The following SGCD variants were observed in gnomAD, a reference collection of about 807,000 sequenced individuals.
The protein encoded by SGCD is delta-sarcoglycan.
SGCD carries 18 observed loss-of-function variants against 36.6 expected under a neutral mutation model. That is an observed-to-expected ratio of 0.49 (90% CI 0.34 to 0.73). The LOEUF is 0.73. Ranked by LOEUF, SGCD falls within the 30% of genes least tolerant of loss-of-function variation. The pLI is 0.01. For synonymous variants in SGCD, 133 were observed against 130.6 expected, an observed-to-expected ratio of 1.02 and a Z score of -0.12; for missense variants, 387 against 346.7, an observed-to-expected ratio of 1.12 and a Z score of -0.92.
At chr5:156,725,169 C>T (rs1326596958) in intron 7 of SGCD, among the ~76,000 whole-genome samples, 2 of 152,128 alleles carry the variant, frequency 1.3e-5, no homozygotes, top group Non-Finnish European at 2.9e-5. Context: ...GTCATGGAGA[C>T]GTTGATCAAC....
chr5:156,492,318 G>A (rs369425087), intron 3 of SGCD, among the ~76,000 whole-genome samples: 1 of 151,970 alleles, frequency 6.6e-6, no homozygotes, highest in African/African-American at 2.4e-5. Context: ...TTATCATAAG[G>A]AATTGGCTCA....
intron 1 of SGCD, among the ~76,000 whole-genome samples, chr5:155,931,894 A>C (rs1029396943): frequency 2.6e-5 from 4 of 152,332 alleles, no homozygotes; most frequent in East Asian, 1.9e-4. Context: ...GGTCCAAGGC[A>C]CTGGCATATT....
chr5:156,197,421 T>C (rs1487536751), intron 3 of SGCD, among the ~76,000 whole-genome samples: 1 of 151,498 alleles, frequency 6.6e-6, no homozygotes, highest in African/African-American at 2.4e-5. Flanking sequence ...GAATTACTCC[T>C]CCTTCCCACA....
At chr5:155,959,668 A>G (rs535896049) in intron 1 of SGCD, among the ~76,000 whole-genome samples, 2 of 152,278 alleles carry the variant, frequency 1.3e-5, no homozygotes, top group East Asian at 3.9e-4. Context: ...TCAATATTTT[A>G]GAAGTTTTTA....
intron 2 of SGCD, among the ~76,000 whole-genome samples, chr5:156,338,190 T>G (rs1426001616): frequency 2.1e-4 from 32 of 151,394 alleles, no homozygotes; most frequent in Non-Finnish European, 7.4e-5. Flanking sequence ...TTACAAATCA[T>G]CCCTGAAAAC....
At chr5:156,255,853 CTATAT>C (rs1173112557) in intron 3 of SGCD, among the ~76,000 whole-genome samples, 2 of 151,918 alleles carry the variant, frequency 1.3e-5, no homozygotes, top group Non-Finnish European at 2.9e-5. Context: ...TTAATAATAG[CTATAT>C]TATATTTTTA....
chr5:156,619,314 C>G (rs1403679014), intron 6 of SGCD, among the ~76,000 whole-genome samples: 1 of 151,974 alleles, frequency 6.6e-6, no homozygotes, highest in African/African-American at 2.4e-5. Flanking sequence ...CGTGAGCTGC[C>G]GAGCCGGCCG....
At chr5:156,082,936 A>T (rs4466143) in intron 1 of SGCD, among the ~76,000 whole-genome samples, 138,162 of 151,152 alleles carry the variant, frequency 0.91, 63,284 homozygotes, top group African/African-American at 0.97. Flanking sequence ...GTTGTCGCTA[A>T]TTTTTTTTTT....
chr5:156,163,817 G>C (rs549173790), intron 3 of SGCD, among the ~76,000 whole-genome samples: 1 of 151,098 alleles, frequency 6.6e-6, no homozygotes, highest in Non-Finnish European at 1.5e-5. Flanking sequence ...TCAGGAGATC[G>C]AGACCATCCT....
chr5:156,019,930 A>G (rs1362205016), intron 1 of SGCD, among the ~76,000 whole-genome samples: 4 of 152,166 alleles, frequency 2.6e-5, no homozygotes, highest in Non-Finnish European at 5.9e-5. Flanking sequence ...AGCTCCTGCT[A>G]CTTATGCACC....
intron 1 of SGCD, among the ~76,000 whole-genome samples, chr5:155,941,085 C>T (rs546102099): frequency 6.5e-4 from 99 of 152,032 alleles, no homozygotes; most frequent in Non-Finnish European, 1.1e-3. Context: ...GTGGCATCAT[C>T]CCATGTCAGA....
chr5:155,731,486 C>T, the SGCD span, among the ~76,000 whole-genome samples: 1 of 152,118 alleles, frequency 6.6e-6, no homozygotes, highest in African/African-American at 2.4e-5. Flanking sequence ...GTAGCCAGCC[C>T]TTGGTTCATG....
chr5:155,840,700 T>C, the SGCD span, among the ~76,000 whole-genome samples: 19 of 151,722 alleles, frequency 1.3e-4, no homozygotes, highest in Non-Finnish European at 2.5e-4. Flanking sequence ...GCTTCTTTTA[T>C]TGAAGAATGG....
intron 3 of SGCD, among the ~76,000 whole-genome samples, chr5:156,492,081 G>A (rs2127850578): frequency 6.6e-6 from 1 of 152,264 alleles, no homozygotes; most frequent in East Asian, 1.9e-4. Flanking sequence ...GAGAGAGAAT[G>A]ATTGCATGTC....
intron 1 of SGCD, among the ~76,000 whole-genome samples, chr5:156,114,548 C>T (rs1761864895): frequency 6.6e-6 from 1 of 151,970 alleles, no homozygotes. Context: ...TTTTTGTCAT[C>T]CATCTGACCC....
chr5:156,015,477 C>T (rs1758951599), intron 1 of SGCD, among the ~76,000 whole-genome samples: 2 of 151,816 alleles, frequency 1.3e-5, no homozygotes, highest in Non-Finnish European at 2.9e-5. Context: ...TCAAGAAGCC[C>T]TGGTTCTATT....
At chr5:156,049,101 T>C (rs1172452804) in intron 1 of SGCD, among the ~76,000 whole-genome samples, 1 of 146,616 alleles carries the variant, frequency 6.8e-6, no homozygotes, top group Admixed American at 6.8e-5. Context: ...CCATTTCTTG[T>C]TTTTGTCAGG....
rs559733527 is a variant in SGCD at position 156,506,213 on chromosome 5, G to C, written c.193-2388G>C. Among the ~76,000 whole-genome samples the C allele has an allele frequency of 3.3e-5, 5 of 152,084 alleles. No individual in the cohort carries two copies. The South Asian group carries it at 1.0e-3, about 31-fold the overall frequency. ...GTGAGTTAAATGAATAATCATGTTG[G>C]TATTATTCAGAAAAGGGATTTTTGG... On this transcript the variant is annotated intron_variant, in intron 3 of 8. Transcript: ENST00000337851.
At chr5:156,468,964 C>T (rs1308102457) in intron 3 of SGCD, among the ~76,000 whole-genome samples, 1 of 152,158 alleles carries the variant, frequency 6.6e-6, no homozygotes, top group African/African-American at 2.4e-5. Context: ...TGCACTCCAG[C>T]CTGGATGACA....
Sources: gnomAD v4.1 joint callset for allele counts (sites outside exome capture counted in the v4.1 genomes callset) on GRCh38, gnomAD v4.1.1 for gene constraint, MANE v1.5 for transcripts, NCBI Gene and HGNC (gene_info 2026-07-23, HGNC 2026-07-21) for gene names.